RNF216: variants seen among roughly 807,000 people sequenced by gnomAD.
RNF216 encodes the protein ring finger protein 216, also known as E3 ubiquitin-protein ligase RNF216.
Under a neutral mutation model 110.8 loss-of-function variants are expected in RNF216, and 72 were observed. The ratio of observed to expected loss-of-function variants is 0.65; its 90% CI spans 0.54 to 0.79. RNF216 has a LOEUF of 0.79. RNF216 is among the 30% of genes least tolerant of loss of function. RNF216 has a pLI of 0.00. For missense variants in RNF216, 1,342 were observed against 1,141.2 expected, an observed-to-expected ratio of 1.18 and a Z score of -2.54; for synonymous variants, 495 against 407.5, an observed-to-expected ratio of 1.21 and a Z score of -2.59.
intron 1 of RNF216, among the ~76,000 whole-genome samples, chr7:5,780,615 A>G (rs1248344461): frequency 3.3e-5 from 5 of 151,684 alleles, no homozygotes; most frequent in African/African-American, 4.9e-5. Context: ...TGAGGCAGGA[A>G]AATCGCTTGA....
intron 13 of RNF216, among the ~76,000 whole-genome samples, chr7:5,670,261 A>T (rs1584418089): frequency 6.6e-6 from 1 of 152,084 alleles, no homozygotes; most frequent in East Asian, 1.9e-4. Context: ...AACAACCTGG[A>T]TGTGAGACTT....
chr7:5,765,952 C>CAAAAAAA (rs138328361), intron 1 of RNF216, among the ~76,000 whole-genome samples: 3 of 102,350 alleles, frequency 2.9e-5, no homozygotes, highest in Non-Finnish European at 5.7e-5. Context: ...GACTCTGTCT[C>CAAAAAAA]AAAAAAAAAA....
rs1357505829 is a variant in RNF216 at position 5,748,603 on chromosome 7, TATATAC to T, written c.201+4237_201+4242del. On this transcript the variant is annotated intron_variant, in intron 3 of 16. Coordinates refer to ENST00000389902, the MANE Select transcript of RNF216 (RefSeq NM_207111.4). ...TATTATAAGAATGCAGTATATTTTT[TATATAC>T]ATACACACACACACACACACACACA... Among the ~76,000 whole-genome samples, 102 of 113,888 alleles carry T rather than the reference TATATAC, an allele frequency of 9.0e-4. 1 individual carries two copies. The East Asian group carries it at 0.013, about 15-fold the overall frequency. 74.7% of individuals were successfully genotyped at this position (113,888 alleles called of 152,430 possible). A position where few individuals can be genotyped will look rare whatever the true frequency, so the allele number is the denominator to read the frequency against.
At chr7:5,658,230 T>C (rs1171499655) in intron 13 of RNF216, among the ~76,000 whole-genome samples, 1 of 152,218 alleles carries the variant, frequency 6.6e-6, no homozygotes, top group Non-Finnish European at 1.5e-5. Context: ...TGAAACGCTT[T>C]TCCAGCAATG....
Position 5,623,096 on chromosome 7 carries a change from G to T in RNF216, c.2536C>A (p.Pro846Thr), listed in dbSNP as rs1250860895. The T allele has an allele frequency of 6.2e-7, 1 of 1,610,700 alleles. No homozygotes were observed. Among genetic ancestry groups the T allele is most frequent in the Non-Finnish European group, 8.5e-7 (1 of 1,177,428 alleles). ...QRVEALPRPVPQNLPQPQMPP... is the reference protein window; with the variant it reads ...QRVEALPRPVTQNLPQPQMPP... ...ATCTGTGGCTGTGGCAGGTTCTGCG[G>T]AACGGGCCTCGGGAGGGCCTCCACC... The change falls in exon 17 of 17, where the codon CCG becomes ACG. Residue 846 changes from proline (P) to threonine (T), a missense_variant. Physicochemically the swap from Pro to Thr is conservative, Grantham distance 38. Coordinates refer to ENST00000389902, the MANE Select transcript of RNF216 (RefSeq NM_207111.4).
At chr7:5,682,344 A>G (rs1319619803) in intron 13 of RNF216, among the ~76,000 whole-genome samples, 1 of 151,972 alleles carries the variant, frequency 6.6e-6, no homozygotes, top group East Asian at 1.9e-4. Flanking sequence ...AGCACATGTT[A>G]CTACTTAGCT....
intron 11 of RNF216, chr7:5,713,380 A>T (rs1792839501): frequency 6.5e-6 from 1 of 153,526 alleles, no homozygotes; most frequent in Non-Finnish European, 1.4e-5. Context: ...ACGGCTCTGG[A>T]CTGGAAACCA....
At chr7:5,715,819 G>A (rs1208989828) in intron 10 of RNF216, among the ~76,000 whole-genome samples, 1 of 144,250 alleles carries the variant, frequency 6.9e-6, no homozygotes, top group Non-Finnish European at 1.5e-5. Flanking sequence ...TTGGCTCACT[G>A]CAACCTCCAC....
At position 5,662,169 on chromosome 7, in the gene RNF216, G is replaced by C. The variant is rs1038891539; in HGVS notation, c.2062-9659C>G. 3.9e-5 allele frequency among the ~76,000 whole-genome samples: 6 copies of C among 152,316 alleles called. No individual in the cohort carries two copies. In the Middle Eastern group the frequency reaches 0.01, roughly 259 times the overall value. ...CTGCGAATGGCTCAGTAAGAGGCAG[G>C]ATGGGATGGAATCAGACCTGAGGAT... On this transcript the variant is annotated intron_variant, in intron 13 of 16. Transcript: ENST00000389902.
intron 13 of RNF216, among the ~76,000 whole-genome samples, chr7:5,711,267 G>A (rs896615031): frequency 6.6e-6 from 1 of 152,142 alleles, no homozygotes; most frequent in Non-Finnish European, 1.5e-5. Flanking sequence ...ACGTAATATA[G>A]TCAGTTCTCA....
intron 13 of RNF216, among the ~76,000 whole-genome samples, chr7:5,698,032 G>A (rs1369215305): frequency 5.3e-5 from 8 of 152,092 alleles, no homozygotes; most frequent in African/African-American, 1.9e-4. Flanking sequence ...AACTTCAAAT[G>A]CTTTTCATAC....
chr7:5,770,752 T>C (rs1210410324), intron 1 of RNF216, among the ~76,000 whole-genome samples: 1 of 151,696 alleles, frequency 6.6e-6, no homozygotes, highest in East Asian at 1.9e-4. Flanking sequence ...AAGACAATAT[T>C]GTATTGACAA....
At chr7:5,652,180 T>C (rs1156739065) in intron 14 of RNF216, among the ~76,000 whole-genome samples, 1 of 152,226 alleles carries the variant, frequency 6.6e-6, no homozygotes, top group African/African-American at 2.4e-5. Context: ...CCATCATTTA[T>C]TGAATTCACA....
At chr7:5,641,990 G>A (rs140983256) in intron 14 of RNF216, among the ~76,000 whole-genome samples, 63 of 140,482 alleles carry the variant, frequency 4.5e-4, no homozygotes, top group African/African-American at 1.6e-3. Context: ...CTGAGACCGT[G>A]TCACTGCACC....
In RNF216 at chr7:5,714,392, G is replaced by A. The variant is rs1297734265; in HGVS notation, c.1833+661C>T. 2.0e-5 allele frequency among the ~76,000 whole-genome samples: 3 copies of A among 152,118 alleles called. No individual in the cohort carries two copies. In the East Asian group the frequency reaches 5.8e-4, roughly 29 times the overall value. On this transcript the variant is annotated intron_variant, in intron 11 of 16. Transcript: ENST00000389902. Reference sequence around the variant, plus strand: ...TCCTGCCTCAGCCTCCCCAGTAGCTGAGATTATAGGCATGCGCCACCAGGT... The same window carrying A: ...TCCTGCCTCAGCCTCCCCAGTAGCTAAGATTATAGGCATGCGCCACCAGGT...
At chr7:5,668,095 T>G (rs1396328643) in intron 13 of RNF216, among the ~76,000 whole-genome samples, 1 of 152,210 alleles carries the variant, frequency 6.6e-6, no homozygotes, top group African/African-American at 2.4e-5. Flanking sequence ...AATACCCCTT[T>G]GTGGATATCA....
At chr7:5,628,126 G>A (rs977691372) in intron 15 of RNF216, among the ~76,000 whole-genome samples, 14 of 152,102 alleles carry the variant, frequency 9.2e-5, no homozygotes, top group African/African-American at 3.4e-4. Flanking sequence ...TAAAAGTGTC[G>A]CATCCTCACC....
At position 5,627,993 on chromosome 7, in the gene RNF216, C is replaced by T. The variant is rs190285896; in HGVS notation, c.2383-3868G>A. ...AGGGTCTGAGGCACCTGCATAGGAGCGCGAGCCCAGGTTTCTGATACAGAT... is the reference window on the plus strand; with the variant it reads ...AGGGTCTGAGGCACCTGCATAGGAGTGCGAGCCCAGGTTTCTGATACAGAT... On this transcript the variant is annotated intron_variant, in intron 15 of 16. Coordinates refer to ENST00000389902, the MANE Select transcript of RNF216 (RefSeq NM_207111.4). Among the ~76,000 whole-genome samples the T allele has an allele frequency of 2.6e-3, 401 of 152,264 alleles. 5 individuals carry two copies. The highest frequency in any genetic ancestry group is 9.1e-3 in the African/African-American group (380 of 41,554).
chr7:5,748,625 C>T (rs1010711668), intron 3 of RNF216, among the ~76,000 whole-genome samples: 27 of 130,966 alleles, frequency 2.1e-4, no homozygotes, highest in Admixed American at 7.2e-4. Context: ...CACACACACA[C>T]ACACACACAC....
Sources: allele counts gnomAD v4.1 joint callset (sites outside exome capture counted in the v4.1 genomes callset), GRCh38; gene constraint gnomAD v4.1.1; transcripts MANE v1.5; gene names NCBI Gene and HGNC (gene_info 2026-07-23, HGNC 2026-07-21).